Variants in SLC37A1 observed in about 807,000 individuals in gnomAD.
SLC37A1 encodes the protein solute carrier family 37 member 1.
A neutral mutation model predicts 75.3 loss-of-function variants in SLC37A1; 49 were observed. The ratio of observed to expected loss-of-function variants is 0.65; its 90% confidence interval spans 0.52 to 0.83. The LOEUF (loss-of-function observed/expected upper bound fraction) is 0.83. Among genes scored for constraint, SLC37A1 ranks in the 40% least tolerant of loss-of-function variants. The pLI is 0.00. For synonymous variants in SLC37A1, 268 were observed against 292.1 expected, an observed-to-expected ratio of 0.92 and a Z score of 0.84; for missense variants, 566 against 695.0, an observed-to-expected ratio of 0.81 and a Z score of 2.09.
At chr21:42,532,007 G>A (rs916820925) in intron 3 of SLC37A1, among the ~76,000 whole-genome samples, 1 of 152,088 alleles carries the variant, frequency 6.6e-6, no homozygotes, top group Non-Finnish European at 1.5e-5. Flanking sequence ...GGCACACTCC[G>A]ATTATGGTCC....
At chr21:42,534,361 T>G (rs955361949) in intron 3 of SLC37A1, among the ~76,000 whole-genome samples, 3 of 152,184 alleles carry the variant, frequency 2.0e-5, no homozygotes, top group Non-Finnish European at 2.9e-5. Context: ...GGACAGGTGG[T>G]CAAGGATGAC....
chr21:42,564,427 C>T (rs112911205), intron 13 of SLC37A1, among the ~76,000 whole-genome samples: 105 of 152,090 alleles, frequency 6.9e-4, no homozygotes, highest in Non-Finnish European at 1.3e-3. Context: ...GTCTCCTGGG[C>T]AGGTGACAGA....
rs533016453 is a variant in SLC37A1, at chr21:42,499,977, C to T, written c.-301+234C>T. Among the ~76,000 whole-genome samples, 67 of 152,374 alleles carry T rather than the reference C, an allele frequency of 4.4e-4. 2 individuals are homozygous for T. In the South Asian group the frequency reaches 0.014, roughly 31 times the overall value. ...TTTCCACAACCTTCCAGGCCCACCT[C>T]CCAGCTGGAGGCCCTGCAGCTTGGC... On this transcript the variant is annotated intron_variant, in intron 1 of 20. Coordinates refer to the SLC37A1 transcript ENST00000398341.
chr21:42,542,076 G>A (rs933519517), intron 6 of SLC37A1, among the ~76,000 whole-genome samples: 12 of 152,178 alleles, frequency 7.9e-5, no homozygotes, highest in Admixed American at 2.0e-4. Context: ...AAAAGAGACC[G>A]GGAAGCTTGG....
intron 15 of SLC37A1, 149 bp from the exon 16 acceptor site, chr21:42,566,836 C>T (rs1184658422): frequency 1.4e-6 from 1 of 726,566 alleles, no homozygotes; most frequent in African/African-American, 1.8e-5. Flanking sequence ...GTATGATTTG[C>T]TTTAGCTCCT....
intron 6 of SLC37A1, 37 bp downstream of exon 6, chr21:42,539,684 T>C (rs1022806225): frequency 1.3e-6 from 2 of 1,590,840 alleles, no homozygotes; most frequent in Non-Finnish European, 1.7e-6. Context: ...ATGTACGGGG[T>C]TTCCTTGGTG....
chr21:42,506,946 G>A (rs1012401310), intron 2 of SLC37A1, among the ~76,000 whole-genome samples: 13 of 152,046 alleles, frequency 8.6e-5, no homozygotes, highest in African/African-American at 1.4e-4. Context: ...GCAGTGGTGC[G>A]ATCTCAGCTC....
rs763231942 is a variant in SLC37A1 at position 42,563,843 on chromosome 21, G to C, written c.1101G>C (p.Glu367Asp). 5.6e-6 allele frequency: 9 copies of C among 1,614,086 alleles called. No homozygotes were observed. The highest frequency in any genetic ancestry group is 1.6e-4 in the Middle Eastern group (1 of 6,082). Residue 367 changes from glutamate to aspartate, a missense_variant, in exon 13 of 20, where the codon GAG becomes GAC. By Grantham distance (45) the Glu-to-Asp change is conservative. Transcript: ENST00000352133. The part of the protein sequence containing the change: ...VDHLDAKKAG[E>D]LSTLFDVGGI... ...ACCTTGATGCCAAAAAGGCGGGGGAGCTCTCCACCCTGTTTGACGTGGGCG... is the reference window on the plus strand; with the variant it reads ...ACCTTGATGCCAAAAAGGCGGGGGACCTCTCCACCCTGTTTGACGTGGGCG...
At chr21:42,542,842 G>A (rs777908644) in intron 7 of SLC37A1, among the ~76,000 whole-genome samples, 17 of 152,258 alleles carry the variant, frequency 1.1e-4, no homozygotes, top group African/African-American at 1.9e-4. Flanking sequence ...GTCACCCAGC[G>A]CACAGCACCA....
At chr21:42,522,769 G>A (rs2054685280) in intron 2 of SLC37A1, among the ~76,000 whole-genome samples, 1 of 152,234 alleles carries the variant, frequency 6.6e-6, no homozygotes, top group African/African-American at 2.4e-5. Flanking sequence ...CTACACCGTG[G>A]CAGTGACTCT....
chr21:42,504,828 G>A (rs966108162), intron 2 of SLC37A1, among the ~76,000 whole-genome samples: 2 of 152,040 alleles, frequency 1.3e-5, no homozygotes, highest in East Asian at 1.9e-4. Context: ...TCTTCTCTCC[G>A]CTTTATTTCC....
chr21:42,557,229 T>C (rs910013533), intron 10 of SLC37A1, among the ~76,000 whole-genome samples: 14 of 152,228 alleles, frequency 9.2e-5, no homozygotes, highest in African/African-American at 3.4e-4. Flanking sequence ...GAACGGCCTG[T>C]GAAGTCCTGT....
chr21:42,533,936 G>A (rs2055064013), intron 3 of SLC37A1, among the ~76,000 whole-genome samples: 1 of 152,176 alleles, frequency 6.6e-6, no homozygotes, highest in Non-Finnish European at 1.5e-5. Context: ...TGGTGGGTGG[G>A]TGGTCCCCTG....
chr21:42,551,364 T>C (rs1396022257), intron 9 of SLC37A1, among the ~76,000 whole-genome samples: 2 of 152,164 alleles, frequency 1.3e-5, no homozygotes, highest in Non-Finnish European at 2.9e-5. Context: ...AGGTCACATA[T>C]TGTATGATTT....
chr21:42,553,579 A>G (rs2055607167), intron 9 of SLC37A1, among the ~76,000 whole-genome samples: 1 of 152,132 alleles, frequency 6.6e-6, no homozygotes, highest in Non-Finnish European at 1.5e-5. Context: ...GGAGTGCATC[A>G]GTGCAGTCCT....
At chr21:42,549,339 GA>G (rs2055499481) in intron 9 of SLC37A1, among the ~76,000 whole-genome samples, 1 of 152,198 alleles carries the variant, frequency 6.6e-6, no homozygotes, top group Non-Finnish European at 1.5e-5. Context: ...ATCTAGGCGA[GA>G]GGCATTGCTT....
At chr21:42,535,837 C>T (rs1158644492) in intron 5 of SLC37A1, among the ~76,000 whole-genome samples, 1 of 152,244 alleles carries the variant, frequency 6.6e-6, no homozygotes, top group African/African-American at 2.4e-5. Context: ...TTAGGACCTA[C>T]CATGAATCCT....
chr21:42,550,573 T>C (rs2055531438), intron 9 of SLC37A1, among the ~76,000 whole-genome samples: 1 of 152,012 alleles, frequency 6.6e-6, no homozygotes, highest in Non-Finnish European at 1.5e-5. Flanking sequence ...AAAATAAAAG[T>C]GGGGGGAAAC....
At chr21:42,542,090 C>T (rs1417638212) in intron 6 of SLC37A1, among the ~76,000 whole-genome samples, 1 of 152,182 alleles carries the variant, frequency 6.6e-6, no homozygotes, top group African/African-American at 2.4e-5. Context: ...AGCTTGGCCC[C>T]ACACTGTTAT....
Sources: allele counts gnomAD v4.1 joint callset (sites outside exome capture counted in the v4.1 genomes callset), GRCh38; gene constraint gnomAD v4.1.1; transcripts MANE v1.5; gene names NCBI Gene and HGNC (gene_info 2026-07-23, HGNC 2026-07-21).